Variants in GCN1 observed in about 807,000 individuals in gnomAD.
GCN1 encodes the protein stalled ribosome sensor GCN1.
In GCN1, 90 loss-of-function variants were observed where a neutral mutation model predicts 288.4. The observed-to-expected ratio is 0.31, with a 90% CI of 0.26 to 0.37. GCN1 has a LOEUF of 0.37. Among genes scored for constraint, GCN1 ranks in the 10% least tolerant of loss-of-function variants. The pLI is 1.00. For synonymous variants in GCN1, 1,386 were observed against 1,420.2 expected, an observed-to-expected ratio of 0.98 and a Z score of 0.54; for missense variants, 2,586 against 3,419.9, an observed-to-expected ratio of 0.76 and a Z score of 6.08.
intron 44 of GCN1, among the ~76,000 whole-genome samples, chr12:120,141,932 G>C (rs1037610876): frequency 4.6e-5 from 7 of 152,234 alleles, no homozygotes; most frequent in African/African-American, 1.4e-4. Context: ...CCATCTCCTC[G>C]ACTAGACTAC....
chr12:120,137,202 T>C lies in GCN1; in HGVS notation c.6777+4A>G. 1 of 1,609,980 alleles carries C rather than the reference T, an allele frequency of 6.2e-7. No homozygotes were observed. The highest frequency in any genetic ancestry group is 1.3e-5 in the African/African-American group (1 of 74,954). On this transcript the variant is annotated splice_donor_region_variant and intron_variant, in intron 50 of 57. Transcript: ENST00000300648. This position sits in a 1 kb window ranked among gnomAD's most constrained non-coding sequence, Gnocchi z 5.2. The stretch of plus-strand genomic sequence containing the variant: ...ACAGCCCCCTGCACGAGGCCCTGGC[T>C]TACCTTCTTCGGGAGGCAGAATCCT...
rs759682111 is a variant in GCN1 at position 120,177,431 on chromosome 12, G to C, written c.838+16C>G. On this transcript the variant is annotated intron_variant, in intron 9 of 57. Coordinates refer to ENST00000300648, the MANE Select transcript of GCN1 (RefSeq NM_006836.2). ...AACTCATCTCCCTCCCACCATCCTG[G>C]TTGACAGCAACCTACTTTCAATAAC... 7.5e-7 allele frequency: 1 copy of C among 1,339,748 alleles called. No individual in the cohort carries two copies. The highest frequency in any genetic ancestry group is 1.1e-6 in the Non-Finnish European group (1 of 931,148). 83.0% of individuals were successfully genotyped at this position (1,339,748 alleles called of 1,614,324 possible).
At chr12:120,172,905 C>T (rs1260581933) in intron 14 of GCN1, among the ~76,000 whole-genome samples, 3 of 152,148 alleles carry the variant, frequency 2.0e-5, no homozygotes, top group Non-Finnish European at 4.4e-5. Context: ...AGGTTTATAG[C>T]TTGGAGACCA....
At chr12:120,149,538 C>T in intron 36 of GCN1, 68 bp downstream of exon 36, 1 of 1,099,764 alleles carries the variant, frequency 9.1e-7, no homozygotes, top group Admixed American at 1.7e-5. Flanking sequence ...TGTGGCTACC[C>T]AGGATCCTTG....
intron 16 of GCN1, among the ~76,000 whole-genome samples, chr12:120,166,703 CAAAA>C (rs542271508): frequency 1.5e-5 from 1 of 68,194 alleles, no homozygotes; most frequent in African/African-American, 5.7e-5. Flanking sequence ...GACTCTGTCT[CAAAA>C]AAAAAAAAAA....
intron 18 of GCN1, among the ~76,000 whole-genome samples, chr12:120,163,591 CGGCACAAAG>C (rs1487650189): frequency 6.6e-6 from 1 of 152,190 alleles, no homozygotes; most frequent in Admixed American, 6.5e-5. Context: ...CAGTGGAACA[CGGCACAAAG>C]AGCACAGAAA....
intron 2 of GCN1, 28 bp from the exon 3 acceptor site, chr12:120,184,915 G>A (rs367777529): frequency 5.8e-6 from 9 of 1,544,970 alleles, no homozygotes; most frequent in Middle Eastern, 1.7e-4. Flanking sequence ...ACAGACAGCG[G>A]TCAATAAAAA....
At chr12:120,130,852 TCAC>T (rs933613064) in intron 55 of GCN1, 99 bp from the exon 56 acceptor site, 20 of 699,322 alleles carry the variant, frequency 2.9e-5, no homozygotes, top group African/African-American at 2.7e-4. Context: ...CTCCACTACA[TCAC>T]CACCACATCA....
chr12:120,181,616 G>T (rs975806178), intron 5 of GCN1, among the ~76,000 whole-genome samples: 1 of 151,672 alleles, frequency 6.6e-6, no homozygotes, highest in African/African-American at 2.4e-5. Flanking sequence ...GAGGCGGGCG[G>T]ATCACCTGAG....
intron 21 of GCN1, 138 bp downstream of exon 21, chr12:120,161,742 C>T (rs569606384): frequency 7.3e-6 from 7 of 962,166 alleles, no homozygotes; most frequent in East Asian, 7.2e-5. Context: ...AGCACCGTGC[C>T]GGGGACACAA....
At chr12:120,162,613 A>C (rs1337647979) in intron 20 of GCN1, among the ~76,000 whole-genome samples, 1 of 152,248 alleles carries the variant, frequency 6.6e-6, no homozygotes, top group African/African-American at 2.4e-5. Flanking sequence ...ACAATGTTCC[A>C]AGGGCAACAT....
chr12:120,129,347 C>T lies in GCN1; in HGVS notation c.7819G>A (p.Val2607Met), dbSNP rs774159790. Reference protein sequence around the residue: ...LLDNTKDKNTVVRAYSDQAIV... With the variant: ...LLDNTKDKNTMVRAYSDQAIV... ...GCCTGGTCGCTGTAGGCCCTGACCA[C>T]GGTGTTCTTATCCTTGGTGTTGTCA... The change falls in exon 57 of 58, where the codon GTG (valine) becomes ATG (methionine). Residue 2607 changes from valine (V) to methionine (M), a missense_variant. Around this residue, in one of 8 missense-constraint regions of GCN1, gnomAD observed 355 missense variants for 431.1 expected, o/e 0.82. Coordinates refer to ENST00000300648, the MANE Select transcript of GCN1 (RefSeq NM_006836.2). 118 of 1,613,990 alleles carry T rather than the reference C, an allele frequency of 7.3e-5. No individual in the cohort carries two copies. The highest frequency in any genetic ancestry group is 8.6e-5 in the Non-Finnish European group (101 of 1,179,988).
chr12:120,138,249 CT>C, intron 47 of GCN1, 73 bp downstream of exon 47: 1 of 1,026,166 alleles, frequency 9.7e-7, no homozygotes, highest in South Asian at 1.3e-5. Context: ...ACGTTCAGAA[CT>C]GGTCTTCACT....
At chr12:120,174,388 C>A (rs1240762779) in intron 12 of GCN1, among the ~76,000 whole-genome samples, 3 of 152,210 alleles carry the variant, frequency 2.0e-5, no homozygotes, top group Non-Finnish European at 4.4e-5. Context: ...ACAAGTCCCT[C>A]TTGTCAAGCA....
At chr12:120,186,203 G>T (rs1878815364) in intron 2 of GCN1, among the ~76,000 whole-genome samples, 1 of 152,056 alleles carries the variant, frequency 6.6e-6, no homozygotes, top group African/African-American at 2.4e-5. Flanking sequence ...CCTGGGCATG[G>T]TGGCACGTGT....
chr12:120,137,711 C>T lies in GCN1; in HGVS notation c.6497G>A (p.Gly2166Asp). ...LLEATRSPEVGMRQAAAIILN... is the reference protein window; with the variant it reads ...LLEATRSPEVDMRQAAAIILN... The stretch of plus-strand genomic sequence containing the variant: ...GATGATGGCAGCAGCTTGCCTCATG[C>T]CCACCTCAGGGCTGCGGGTGGCCTC... The change falls in exon 49 of 58, where the codon GGC becomes GAC. Residue 2166 changes from glycine to aspartate, a missense_variant. Coordinates refer to ENST00000300648, the MANE Select transcript of GCN1 (RefSeq NM_006836.2). This position sits in a 1 kb window ranked among gnomAD's most constrained non-coding sequence, Gnocchi z 5.2. The T allele has an allele frequency of 1.2e-6, 2 of 1,614,078 alleles. No homozygotes were observed. Among genetic ancestry groups the T allele is most frequent in the Non-Finnish European group, 1.7e-6 (2 of 1,179,972 alleles).
At chr12:120,168,390 T>C in intron 15 of GCN1, 90 bp from the exon 16 acceptor site, 1 of 823,926 alleles carries the variant, frequency 1.2e-6, no homozygotes, top group Non-Finnish European at 2.1e-6. Context: ...GGGTGGGCTT[T>C]GCTGACAAAC....
At position 120,194,174 on chromosome 12, in the gene GCN1, G is replaced by A. The variant is rs796919048; in HGVS notation, c.18+506C>T. 4.6e-5 allele frequency among the ~76,000 whole-genome samples: 7 copies of A among 152,216 alleles called. No individual in the cohort carries two copies. In the East Asian group the frequency reaches 9.6e-4, roughly 21 times the overall value. ...TTTAACTTCATTTTATAGATGAAAA[G>A]GCAGACTTGGCGGGGTTAAGTCACT... On this transcript the variant is annotated intron_variant, in intron 1 of 57. Coordinates refer to ENST00000300648, the MANE Select transcript of GCN1 (RefSeq NM_006836.2).
At chr12:120,186,984 G>A (rs1244468383) in intron 2 of GCN1, among the ~76,000 whole-genome samples, 1 of 152,188 alleles carries the variant, frequency 6.6e-6, no homozygotes, top group Non-Finnish European at 1.5e-5. Flanking sequence ...AGAGGGCTCT[G>A]CTGGGAAAGT....
Sources: gnomAD v4.1 joint callset for allele counts (sites outside exome capture counted in the v4.1 genomes callset) on GRCh38, gnomAD v4.1.1 for gene constraint, gnomAD v4.1.1 regional missense constraint, Gnocchi (gnomAD v3.1) non-coding constraint, MANE v1.5 for transcripts, NCBI Gene and HGNC (gene_info 2026-07-23, HGNC 2026-07-21) for gene names.